Variants in XKR4 observed in about 807,000 individuals in gnomAD.
XKR4 encodes the protein XK related 4, also known as XK-related protein 4.
XKR4 carries 12 observed loss-of-function variants against 53.9 expected under a neutral mutation model. The ratio of observed to expected loss-of-function variants is 0.22; its 90% CI spans 0.14 to 0.36. The LOEUF is 0.36. Among genes scored for constraint, XKR4 ranks in the 10% least tolerant of loss-of-function variants. The pLI, the probability that XKR4 is intolerant of heterozygous loss-of-function variation, is 1.00. For missense variants in XKR4, 799 were observed against 859.5 expected, an observed-to-expected ratio of 0.93 and a Z score of 0.88; for synonymous variants, 354 against 362.4, an observed-to-expected ratio of 0.98 and a Z score of 0.26.
chr8:55,397,939 G>T (rs1457480815), intron 2 of XKR4, among the ~76,000 whole-genome samples: 2 of 152,140 alleles, frequency 1.3e-5, no homozygotes, highest in Non-Finnish European at 2.9e-5. Flanking sequence ...CCTCTCAGGG[G>T]TTAATCTCTT....
At chr8:55,347,484 G>C (rs1803665987) in intron 1 of XKR4, among the ~76,000 whole-genome samples, 1 of 152,174 alleles carries the variant, frequency 6.6e-6, no homozygotes, top group Non-Finnish European at 1.5e-5. Context: ...AGATTATGTG[G>C]ATAAAGTCAG....
intron 2 of XKR4, among the ~76,000 whole-genome samples, chr8:55,434,908 G>T (rs1020815788): frequency 2.0e-5 from 3 of 152,178 alleles, no homozygotes; most frequent in African/African-American, 7.2e-5. Context: ...GCTGTGCCAC[G>T]TGGGGTTCAC....
At chr8:55,259,765 G>C (rs1818492589) in intron 1 of XKR4, among the ~76,000 whole-genome samples, 1 of 152,172 alleles carries the variant, frequency 6.6e-6, no homozygotes, top group South Asian at 2.1e-4. Flanking sequence ...CTAATTAATA[G>C]TCCTGAATCC....
chr8:55,285,391 G>A (rs538821937), intron 1 of XKR4, among the ~76,000 whole-genome samples: 2 of 152,118 alleles, frequency 1.3e-5, no homozygotes, highest in African/African-American at 4.8e-5. Context: ...AGATGAATGG[G>A]AAAAATAAAT....
In XKR4 at chr8:55,438,064, G is replaced by A. The variant is rs139872759; in HGVS notation, c.1006+80187G>A. Among the ~76,000 whole-genome samples the A allele has an allele frequency of 4.1e-3, 623 of 152,192 alleles. 6 individuals carry two copies. Among genetic ancestry groups the A allele is most frequent in the East Asian group, 0.039 (204 of 5,176 alleles). ...TCTGGAAGCAATCATGAAGGAAGACGTAACAGCCAGAGTTCCTGTAAGAGC... is the reference window on the plus strand; with the variant it reads ...TCTGGAAGCAATCATGAAGGAAGACATAACAGCCAGAGTTCCTGTAAGAGC... On this transcript the variant is annotated intron_variant, in intron 2 of 2. Coordinates refer to ENST00000327381, the MANE Select transcript of XKR4 (RefSeq NM_052898.2).
chr8:55,538,753 G>T lies in XKR4; in HGVS notation c.*14526G>T, dbSNP rs1807064884. 6.6e-6 allele frequency: 1 copy of T among 152,184 alleles called. No individual in the cohort carries two copies. Among genetic ancestry groups the T allele is most frequent in the African/African-American group, 2.4e-5 (1 of 41,438 alleles). 9.4% of individuals were successfully genotyped at this position (152,184 alleles called of 1,614,324 possible). A position where few individuals can be genotyped will look rare whatever the true frequency, so the allele number is the denominator to read the frequency against. ...GTTCTGTACTCATGATCACCAGGTG[G>T]CGTTCTGAAATCCACTACTGGGGAA... is the stretch of plus-strand genomic sequence containing the variant. On this transcript the variant is annotated 3_prime_UTR_variant, in exon 3 of 3. Coordinates refer to ENST00000327381, the MANE Select transcript of XKR4 (RefSeq NM_052898.2).
intron 2 of XKR4, among the ~76,000 whole-genome samples, chr8:55,493,035 G>A (rs943441412): frequency 3.3e-5 from 5 of 151,932 alleles, no homozygotes; most frequent in Non-Finnish European, 7.4e-5. Flanking sequence ...GGGTCTGGGG[G>A]AAAGTTTCTG....
intron 1 of XKR4, among the ~76,000 whole-genome samples, chr8:55,324,198 C>G (rs1424675078): frequency 6.6e-6 from 1 of 152,166 alleles, no homozygotes; most frequent in African/African-American, 2.4e-5. Context: ...TGAACTCAAG[C>G]AATCCTCCCA....
chr8:55,414,173 ATG>A (rs1428677892), intron 2 of XKR4, among the ~76,000 whole-genome samples: 1 of 152,202 alleles, frequency 6.6e-6, no homozygotes, highest in African/African-American at 2.4e-5. Context: ...TATGTTAAAA[ATG>A]TGTGAATAAT....
chr8:55,212,121 A>T (rs1158463296), intron 1 of XKR4, among the ~76,000 whole-genome samples: 1 of 151,924 alleles, frequency 6.6e-6, no homozygotes, highest in Non-Finnish European at 1.5e-5. Context: ...GGGTGAAAAA[A>T]AAAAAAGGCA....
intron 1 of XKR4, among the ~76,000 whole-genome samples, chr8:55,317,970 T>C (rs1435562714): frequency 1.3e-5 from 2 of 152,198 alleles, no homozygotes; most frequent in African/African-American, 4.8e-5. Flanking sequence ...AGCCAGGTCA[T>C]GAAATGGTAG....
At chr8:55,286,332 C>T (rs756595796) in intron 1 of XKR4, among the ~76,000 whole-genome samples, 2 of 152,288 alleles carry the variant, frequency 1.3e-5, no homozygotes, top group Non-Finnish European at 2.9e-5. Flanking sequence ...AGAGGCAACC[C>T]AGAGAATGCA....
At position 55,253,957 on chromosome 8, in the gene XKR4, G is replaced by C. The variant is rs74454468; in HGVS notation, c.807-103721G>C. Among the ~76,000 whole-genome samples the C allele has an allele frequency of 8.3e-3, 1,265 of 151,954 alleles. 22 individuals are homozygous for C. The highest frequency in any genetic ancestry group is 0.027 in the African/African-American group (1,109 of 41,430). ...TCTGGTCTCAAACTCCTGAGTGTAA[G>C]CGCTTCACCTGCCTGGCCCCCCAAA... On this transcript the variant is annotated intron_variant, in intron 1 of 2. Coordinates refer to ENST00000327381, the MANE Select transcript of XKR4 (RefSeq NM_052898.2).
chr8:55,332,946 C>T (rs1472824386), intron 1 of XKR4, among the ~76,000 whole-genome samples: 1 of 151,106 alleles, frequency 6.6e-6, no homozygotes, highest in African/African-American at 2.4e-5. Flanking sequence ...TCAGACTTGA[C>T]AATTTCAAAT....
intron 2 of XKR4, among the ~76,000 whole-genome samples, chr8:55,374,419 T>G (rs1804118220): frequency 6.6e-6 from 1 of 151,102 alleles, no homozygotes; most frequent in Non-Finnish European, 1.5e-5. Flanking sequence ...CTGGAGAGAG[T>G]GAGAGAGGAT....
At chr8:55,304,551 T>C (rs899741493) in intron 1 of XKR4, among the ~76,000 whole-genome samples, 1 of 152,200 alleles carries the variant, frequency 6.6e-6, no homozygotes, top group African/African-American at 2.4e-5. Context: ...CTGGGTATCC[T>C]TGTTAATTTT....
At chr8:55,237,090 G>A (rs1345364858) in intron 1 of XKR4, among the ~76,000 whole-genome samples, 1 of 152,188 alleles carries the variant, frequency 6.6e-6, no homozygotes, top group Non-Finnish European at 1.5e-5. Context: ...CTAAGGCAGA[G>A]GTAGTTTTAG....
chr8:55,477,047 G>T (rs1043445118), intron 2 of XKR4, among the ~76,000 whole-genome samples: 2 of 152,062 alleles, frequency 1.3e-5, no homozygotes, highest in African/African-American at 4.8e-5. Context: ...AGAGAGTATT[G>T]GTTCTCCCAG....
chr8:55,322,559 T>A (rs1563324049), intron 1 of XKR4, among the ~76,000 whole-genome samples: 1 of 152,236 alleles, frequency 6.6e-6, no homozygotes, highest in African/African-American at 2.4e-5. Context: ...TTAAAATTAT[T>A]TTCCAAAGAA....
Sources: allele counts gnomAD v4.1 joint callset (sites outside exome capture counted in the v4.1 genomes callset), GRCh38; gene constraint gnomAD v4.1.1; transcripts MANE v1.5; gene names NCBI Gene and HGNC (gene_info 2026-07-23, HGNC 2026-07-21).